Variants in SRL observed in about 807,000 individuals in gnomAD.
SRL encodes sarcalumenin.
A neutral mutation model predicts 39.5 loss-of-function variants in SRL; 23 were observed. The ratio of observed to expected loss-of-function variants is 0.58; its 90% CI spans 0.42 to 0.82. The LOEUF is 0.82. Ranked by LOEUF, SRL falls within the 40% of genes least tolerant of loss-of-function variation. The pLI is 0.00. For synonymous variants in SRL, 272 were observed against 237.4 expected, an observed-to-expected ratio of 1.15 and a Z score of -1.34; for missense variants, 592 against 607.8, an observed-to-expected ratio of 0.97 and a Z score of 0.27.
At position 4,196,181 on chromosome 16, in the gene SRL, G is replaced by A. The variant is rs897061618; in HGVS notation, c.377-395C>T. Among the ~76,000 whole-genome samples, 8 of 152,074 alleles carry A rather than the reference G, an allele frequency of 5.3e-5. No homozygotes were observed. The East Asian group carries it at 9.7e-4, about 18-fold the overall frequency. Reference sequence around the variant, plus strand: ...TCACCGTGTTGGCCAGGCTGGTCTCGAACTTCTGACCTTAATGATCTGCCC... The same window carrying A: ...TCACCGTGTTGGCCAGGCTGGTCTCAAACTTCTGACCTTAATGATCTGCCC... On this transcript the variant is annotated intron_variant, in intron 4 of 5. Coordinates refer to ENST00000399609, the MANE Select transcript of SRL (RefSeq NM_001098814.2).
At chr16:4,196,159 C>A (rs2052138601) in intron 4 of SRL, among the ~76,000 whole-genome samples, 1 of 151,996 alleles carries the variant, frequency 6.6e-6, no homozygotes, top group Non-Finnish European at 1.5e-5. Context: ...CAGAGTTTCA[C>A]CGTGTTGGCC....
chr16:4,214,307 A>C (rs2052428971), intron 1 of SRL, among the ~76,000 whole-genome samples: 1 of 152,246 alleles, frequency 6.6e-6, no homozygotes, highest in Non-Finnish European at 1.5e-5. Flanking sequence ...ATTCTTCCAC[A>C]TGACTTCTCA....
intron 1 of SRL, among the ~76,000 whole-genome samples, chr16:4,235,210 TG>T (rs2052702828): frequency 6.6e-6 from 1 of 152,168 alleles, no homozygotes; most frequent in Admixed American, 6.5e-5. Context: ...GCGAGGTCCC[TG>T]AGAAGACAGG....
At chr16:4,211,062 C>T (rs2052386251) in intron 1 of SRL, among the ~76,000 whole-genome samples, 2 of 152,112 alleles carry the variant, frequency 1.3e-5, no homozygotes, top group Admixed American at 6.5e-5. Flanking sequence ...CGACTCTCAG[C>T]ATTGGCTGCA....
intron 2 of SRL, 92 bp downstream of exon 2, chr16:4,204,441 C>CCTCTAAGATACAGCCCCGGCCTCTAAGAT (rs1183521859): frequency 8.6e-7 from 1 of 1,159,622 alleles, no homozygotes; most frequent in African/African-American, 1.5e-5. Flanking sequence ...ACAGCCCCGG[C>CCTCTAAGATACAGCCCCGGCCTCTAAGAT]ACGCCCTGGC....
intron 1 of SRL, among the ~76,000 whole-genome samples, chr16:4,232,532 A>T (rs1200954428): frequency 6.6e-6 from 1 of 151,714 alleles, no homozygotes; most frequent in Non-Finnish European, 1.5e-5. Context: ...TTTTTTTTCA[A>T]CAGAGTCTTG....
intron 1 of SRL, among the ~76,000 whole-genome samples, chr16:4,231,312 T>C (rs746721844): frequency 2.6e-5 from 4 of 152,056 alleles, no homozygotes; most frequent in Non-Finnish European, 5.9e-5. Context: ...TGAGACCCTG[T>C]CTCAAAAAAA....
In SRL at chr16:4,242,000, G is replaced by A. The variant is rs533454426; in HGVS notation, c.61+7C>T. On this transcript the variant is annotated splice_region_variant and intron_variant, in intron 1 of 5. Coordinates refer to ENST00000399609, the MANE Select transcript of SRL (RefSeq NM_001098814.2). Reference sequence around the variant, plus strand: ...TCTGGGCTGGGTCATGCTGGGAGGGGCCCTACCTGCTTGTCCTGAGAACAG... The same window carrying A: ...TCTGGGCTGGGTCATGCTGGGAGGGACCCTACCTGCTTGTCCTGAGAACAG... 185 of 1,613,754 alleles carry A rather than the reference G, an allele frequency of 1.1e-4. No individual in the cohort carries two copies. The highest frequency in any genetic ancestry group is 1.0e-3 in the Admixed American group (62 of 60,000).
chr16:4,213,404 C>CTTTTTCTTTTTTTTT (rs1237775177), intron 1 of SRL, among the ~76,000 whole-genome samples: 4 of 69,580 alleles, frequency 5.7e-5, no homozygotes, highest in African/African-American at 1.6e-4. Flanking sequence ...TTTTCTTTTT[C>CTTTTTCTTTTTTTTT]TTTTTTTTTT....
chr16:4,224,919 G>A (rs1291714), intron 1 of SRL, among the ~76,000 whole-genome samples: 83,769 of 151,964 alleles, frequency 0.55, 23,446 homozygotes, highest in African/African-American at 0.63. Flanking sequence ...CATGGAAAGG[G>A]GTGGAGCGCT....
chr16:4,197,596 A>AT (rs201796992), intron 4 of SRL, among the ~76,000 whole-genome samples: 74 of 135,926 alleles, frequency 5.4e-4, no homozygotes, highest in Admixed American at 2.3e-3. Context: ...TAATTTTTGT[A>AT]TTTTTTTTTT....
At chr16:4,227,785 A>C (rs973470926) in intron 1 of SRL, among the ~76,000 whole-genome samples, 2 of 152,170 alleles carry the variant, frequency 1.3e-5, no homozygotes, top group African/African-American at 4.8e-5. Flanking sequence ...GCCCCAGAGG[A>C]GCTGCTTTCC....
At chr16:4,210,280 A>G (rs1236273280) in intron 1 of SRL, among the ~76,000 whole-genome samples, 1 of 152,104 alleles carries the variant, frequency 6.6e-6, no homozygotes, top group Non-Finnish European at 1.5e-5. Context: ...AGAAAAATCT[A>G]TGGTGGGAAT....
At chr16:4,231,598 T>C (rs920814569) in intron 1 of SRL, among the ~76,000 whole-genome samples, 1 of 152,146 alleles carries the variant, frequency 6.6e-6, no homozygotes, top group South Asian at 2.1e-4. Context: ...TGCTTATTTT[T>C]AGCTGCTGAT....
chr16:4,206,860 T>G (rs998826656), intron 1 of SRL: 1 of 456,678 alleles, frequency 2.2e-6, no homozygotes, highest in African/African-American at 2.0e-5. Context: ...CCTCTGTCCC[T>G]GTGACTTGTG....
chr16:4,223,231 C>CAAAAAAAAAAAAAAAAAAAAAAAA (rs34513855), intron 1 of SRL, among the ~76,000 whole-genome samples: 1 of 96,166 alleles, frequency 1.0e-5, no homozygotes, highest in Non-Finnish European at 2.2e-5. Flanking sequence ...AACTCTGTCT[C>CAAAAAAAAAAAAAAAAAAAAAAAA]AAAAAAAAAA....
In SRL at chr16:4,200,010, G is replaced by A. The variant is rs1229874049; in HGVS notation, c.260-2095C>T. ...CCACACCCGGCCCCATCTTTTTACA[G>A]AGAGCGTTGCCATATGCTTCCTCTT... On this transcript the variant is annotated intron_variant, in intron 3 of 5. Coordinates refer to ENST00000399609, the MANE Select transcript of SRL (RefSeq NM_001098814.2). Among the ~76,000 whole-genome samples, 3 of 152,094 alleles carry A rather than the reference G, an allele frequency of 2.0e-5. No individual in the cohort carries two copies. In the East Asian group the frequency reaches 5.8e-4, roughly 29 times the overall value.
chr16:4,235,540 C>T (rs1597298777), intron 1 of SRL, among the ~76,000 whole-genome samples: 1 of 151,826 alleles, frequency 6.6e-6, no homozygotes, highest in Admixed American at 6.6e-5. Flanking sequence ...CATGTATCTA[C>T]AAAAAATAAA....
At chr16:4,207,905 G>T in intron 1 of SRL, 1 of 456,716 alleles carries the variant, frequency 2.2e-6, no homozygotes, top group South Asian at 1.5e-5. Flanking sequence ...GGCCCGCGCT[G>T]GCGGCAGACG....
Sources: allele counts gnomAD v4.1 joint callset (sites outside exome capture counted in the v4.1 genomes callset), GRCh38; gene constraint gnomAD v4.1.1; transcripts MANE v1.5; gene names NCBI Gene and HGNC (gene_info 2026-07-23, HGNC 2026-07-21).